Variants in TRAF1 observed in about 807,000 individuals in gnomAD.
TRAF1 encodes TNF receptor-associated factor 1.
Under a neutral mutation model 40.9 loss-of-function variants are expected in TRAF1, and 23 were observed. The ratio of observed to expected loss-of-function variants is 0.56; its 90% CI spans 0.40 to 0.80. The LOEUF (loss-of-function observed/expected upper bound fraction) is 0.80, where lower values mean the gene tolerates loss of function less well. Among genes scored for constraint, TRAF1 ranks in the 30% least tolerant of loss-of-function variants. The pLI is 0.00. For missense variants in TRAF1, 477 were observed against 528.7 expected (o/e 0.90, Z 0.96); for synonymous variants, 206 against 218.8 (o/e 0.94, Z 0.52).
At chr9:120,908,163 A>G (rs2046497591) in intron 7 of TRAF1, among the ~76,000 whole-genome samples, 1 of 152,116 alleles carries the variant, frequency 6.6e-6, no homozygotes, top group African/African-American at 2.4e-5. Flanking sequence ...TTTCACCTGT[A>G]TATGCGAAAG....
At chr9:120,923,580 T>A (rs530801766) in intron 3 of TRAF1, 125 bp downstream of exon 3, 1 of 839,176 alleles carries the variant, frequency 1.2e-6, no homozygotes, top group African/African-American at 1.7e-5. Context: ...TAAAGCAAAT[T>A]CAGTCTGGAC....
Position 120,912,028 on chromosome 9 carries a change from C to T in TRAF1, c.706-515G>A, listed in dbSNP as rs2046531814. On this transcript the variant is annotated intron_variant, in intron 5 of 7. Transcript: ENST00000373887. ...AAGCCTCAGCCACTCCAACTCAGCG[C>T]CTGGCCCTTCTAATAGCTTTCCCCA... Among the ~76,000 whole-genome samples the T allele has an allele frequency of 1.3e-5, 2 of 152,172 alleles. 1 individual carries two copies. The highest frequency in any genetic ancestry group is 1.3e-4 in the Admixed American group (2 of 15,278).
rs2046450956 is a variant in TRAF1 at position 120,903,039 on chromosome 9, A to G, written c.*1981T>C. 1 of 152,204 alleles carries G rather than the reference A, an allele frequency of 6.6e-6. No individual in the cohort carries two copies. The highest frequency in any genetic ancestry group is 6.5e-5 in the Admixed American group (1 of 15,280). 9.4% of individuals were successfully genotyped at this position (152,204 alleles called of 1,614,324 possible). A position where few individuals can be genotyped will look rare whatever the true frequency, so the allele number is the denominator to read the frequency against. On this transcript the variant is annotated 3_prime_UTR_variant, in exon 8 of 8. Transcript: ENST00000373887. ...TTCTACAAATCCCCCCTTGGGCTCA[A>G]CACTCGGTGAGTAGGGATCAAGAGG...
chr9:120,904,970 T>C lies in TRAF1; in HGVS notation c.*50A>G, dbSNP rs371928914. ...TGCCAAGGGCAGGGCATCACAGTCC[T>C]CTGGCTAGCTCCCTTCTGAGTTGGA... On this transcript the variant is annotated 3_prime_UTR_variant, in exon 8 of 8. Coordinates refer to ENST00000373887, the MANE Select transcript of TRAF1 (RefSeq NM_005658.5). 6.4e-7 allele frequency: 1 copy of C among 1,562,150 alleles called. No individual in the cohort carries two copies. Among genetic ancestry groups the C allele is most frequent in the Admixed American group, 1.8e-5 (1 of 54,992 alleles).
intron 3 of TRAF1, among the ~76,000 whole-genome samples, chr9:120,919,377 G>C (rs2046590129): frequency 6.6e-6 from 1 of 152,214 alleles, no homozygotes; most frequent in Admixed American, 6.5e-5. Flanking sequence ...CAGGCCCTTT[G>C]TGGTGGGGTC....
chr9:120,920,918 T>A (rs898693378), intron 3 of TRAF1, among the ~76,000 whole-genome samples: 1 of 152,174 alleles, frequency 6.6e-6, no homozygotes, highest in African/African-American at 2.4e-5. Flanking sequence ...CATCAGCCAC[T>A]TTCCTTTGGT....
Position 120,926,185 on chromosome 9 carries a change from T to C in TRAF1, c.-110A>G, listed in dbSNP as rs894042091. ...ACTCTCTGGTGAGTAGGAGCTCTGATGACTTTATCTTCTTCTCTCTGGCTT... is the reference window on the plus strand; with the variant it reads ...ACTCTCTGGTGAGTAGGAGCTCTGACGACTTTATCTTCTTCTCTCTGGCTT... On this transcript the variant is annotated 5_prime_UTR_variant, in exon 2 of 8. Transcript: ENST00000373887. 19 of 1,209,268 alleles carry C rather than the reference T, an allele frequency of 1.6e-5. No homozygotes were observed. The highest frequency in any genetic ancestry group is 1.6e-5 in the African/African-American group (1 of 63,744). 74.9% of individuals were successfully genotyped at this position (1,209,268 alleles called of 1,614,324 possible).
intron 3 of TRAF1, among the ~76,000 whole-genome samples, chr9:120,921,639 G>A (rs1235643115): frequency 1.3e-5 from 2 of 151,700 alleles, no homozygotes; most frequent in Admixed American, 6.6e-5. Flanking sequence ...GTTACTCCAC[G>A]GAGCAGCATA....
At chr9:120,909,796 T>G (rs2046512305) in intron 6 of TRAF1, among the ~76,000 whole-genome samples, 3 of 152,190 alleles carry the variant, frequency 2.0e-5, no homozygotes, top group Non-Finnish European at 4.4e-5. Context: ...TCTCACGGTA[T>G]GTTGGGGACC....
chr9:120,924,391 C>T (rs1257579563), intron 2 of TRAF1, among the ~76,000 whole-genome samples: 1 of 151,878 alleles, frequency 6.6e-6, no homozygotes, highest in Non-Finnish European at 1.5e-5. Flanking sequence ...ACCTGGGTAC[C>T]CGTGGGTTTT....
chr9:120,914,059 C>G (rs183047852), intron 4 of TRAF1, among the ~76,000 whole-genome samples, 176 bp downstream of exon 4: 7 of 152,272 alleles, frequency 4.6e-5, no homozygotes, highest in Non-Finnish European at 8.8e-5. Context: ...AAGAACTTCC[C>G]TGAGTACTGT....
chr9:120,905,298 C>A, intron 7 of TRAF1, 60 bp from the exon 8 acceptor site: 1 of 1,514,536 alleles, frequency 6.6e-7, no homozygotes. Context: ...CTTGGAGGCC[C>A]AGGCTTGGGC....
chr9:120,919,639 G>T (rs2046592060), intron 3 of TRAF1, among the ~76,000 whole-genome samples: 1 of 152,180 alleles, frequency 6.6e-6, no homozygotes, highest in Non-Finnish European at 1.5e-5. Flanking sequence ...TGGTCAGTCT[G>T]CCACTGTCCG....
intron 7 of TRAF1, among the ~76,000 whole-genome samples, chr9:120,908,827 T>G (rs1464934999): frequency 1.3e-5 from 2 of 152,172 alleles, no homozygotes; most frequent in Non-Finnish European, 2.9e-5. Context: ...CCCAAATTGT[T>G]GAGATTACAG....
intron 2 of TRAF1, 106 bp from the exon 3 acceptor site, chr9:120,923,898 T>C: frequency 5.0e-6 from 5 of 1,005,856 alleles, no homozygotes; most frequent in South Asian, 1.3e-5. Flanking sequence ...GTGGTGATCA[T>C]GTACGTCCAC....
intron 7 of TRAF1, among the ~76,000 whole-genome samples, chr9:120,908,819 C>A (rs1030055227): frequency 6.6e-6 from 1 of 152,124 alleles, no homozygotes; most frequent in Non-Finnish European, 1.5e-5. Flanking sequence ...CTCGGCCTCC[C>A]AAATTGTTGA....
chr9:120,913,552 C>T lies in TRAF1; in HGVS notation c.481G>A (p.Glu161Lys). The T allele has an allele frequency of 6.8e-6, 11 of 1,613,502 alleles. No individual in the cohort carries two copies. Among genetic ancestry groups the T allele is most frequent in the Non-Finnish European group, 9.3e-6 (11 of 1,179,832 alleles). ...CAGGGTGCCCGGTAGCAATCGACCT[C>T]CAGGTCCCCCGCCACTTCCACGGCT... ...QAAVEVAGDL[E>K]VDCYRAPCSE... The change falls in exon 5 of 8, where the codon GAG becomes AAG. Residue 161 changes from glutamate to lysine, a missense_variant. By Grantham distance (56) the Glu-to-Lys change is moderately conservative. Transcript: ENST00000373887.
Position 120,913,513 on chromosome 9 carries a change from C to T in TRAF1, c.520G>A (p.Glu174Lys). The T allele has an allele frequency of 1.2e-6, 2 of 1,614,024 alleles. No homozygotes were observed. Among genetic ancestry groups the T allele is most frequent in the Non-Finnish European group, 8.5e-7 (1 of 1,180,012 alleles). Residue 174 changes from glutamate to lysine, a missense_variant, in exon 5 of 8, where the codon GAG (glutamate) becomes AAG (lysine). Physicochemically the swap from Glu to Lys is moderately conservative, Grantham distance 56 (BLOSUM62 1). Coordinates refer to ENST00000373887, the MANE Select transcript of TRAF1 (RefSeq NM_005658.5). ...ATGAAGTGCTGCAGGGCCAGCTCCT[C>T]CTGGCTCTCGGAGCAGGGTGCCCGG... ...CYRAPCSESQ[E>K]ELALQHFMKE...
chr9:120,912,383 G>A (rs1009302403), intron 5 of TRAF1, among the ~76,000 whole-genome samples: 3 of 152,296 alleles, frequency 2.0e-5, no homozygotes, highest in Non-Finnish European at 4.4e-5. Flanking sequence ...TAGGCCAGGC[G>A]CGGTGGCTTA....
Sources: allele counts gnomAD v4.1 joint callset (sites outside exome capture counted in the v4.1 genomes callset), GRCh38; gene constraint gnomAD v4.1.1; transcripts MANE v1.5; gene names NCBI Gene and HGNC (gene_info 2026-07-23, HGNC 2026-07-21).